Variants in HDAC9 observed in about 807,000 individuals in gnomAD.
HDAC9 encodes histone deacetylase 9, also known as MEF-2 interacting transcription repressor (MITR) protein.
A neutral mutation model predicts 139.4 loss-of-function variants in HDAC9; 41 were observed. The ratio of observed to expected loss-of-function variants is 0.29; its 90% CI spans 0.23 to 0.38. HDAC9 has a LOEUF of 0.38. Ranked by LOEUF, HDAC9 falls within the 10% of genes least tolerant of loss-of-function variation. The pLI is 1.00. For missense variants in HDAC9, 1,147 were observed against 1,297.0 expected (o/e 0.88, Z 1.78); for synonymous variants, 517 against 476.2 (o/e 1.09, Z -1.12).
chr7:18,875,416 A>G (rs1799246683), intron 22 of HDAC9, among the ~76,000 whole-genome samples: 1 of 152,144 alleles, frequency 6.6e-6, no homozygotes, highest in Non-Finnish European at 1.5e-5. Flanking sequence ...CAAAAAACCC[A>G]AATACTTTTA....
At chr7:18,141,279 C>A (rs545927369) in intron 1 of HDAC9, among the ~76,000 whole-genome samples, 141 of 152,170 alleles carry the variant, frequency 9.3e-4, no homozygotes, top group African/African-American at 3.2e-3. Context: ...AACATTTTTT[C>A]CCTTTATCTG....
chr7:18,338,346 A>G (rs529070856), intron 1 of HDAC9, among the ~76,000 whole-genome samples: 3 of 151,822 alleles, frequency 2.0e-5, no homozygotes, highest in East Asian at 1.9e-4. Flanking sequence ...CAATACGGAT[A>G]TAATCTCTAT....
At chr7:18,896,576 C>T (rs1801218372) in intron 22 of HDAC9, among the ~76,000 whole-genome samples, 3 of 152,198 alleles carry the variant, frequency 2.0e-5, no homozygotes, top group Middle Eastern at 3.4e-3. Flanking sequence ...ACTGCCCAGA[C>T]CCCATTAAGT....
intron 2 of HDAC9, among the ~76,000 whole-genome samples, chr7:18,570,147 T>C (rs1320869479): frequency 1.3e-5 from 2 of 152,096 alleles, no homozygotes; most frequent in African/African-American, 4.8e-5. Context: ...GATTCACAGA[T>C]TGGAGAGTAC....
chr7:18,335,463 T>C (rs1259314776), intron 1 of HDAC9, among the ~76,000 whole-genome samples: 1 of 151,530 alleles, frequency 6.6e-6, no homozygotes, highest in Non-Finnish European at 1.5e-5. Flanking sequence ...GGTCTTGATG[T>C]ACATGGATTT....
chr7:18,523,718 G>T (rs752476308), intron 2 of HDAC9, among the ~76,000 whole-genome samples: 1 of 152,080 alleles, frequency 6.6e-6, no homozygotes, highest in Non-Finnish European at 1.5e-5. Context: ...CAAAAGGTAG[G>T]GCAGAGAAAG....
At chr7:18,409,172 G>A (rs1788310031) in intron 1 of HDAC9, among the ~76,000 whole-genome samples, 1 of 152,130 alleles carries the variant, frequency 6.6e-6, no homozygotes, top group South Asian at 2.1e-4. Flanking sequence ...TTATGGTACA[G>A]GACTGGAACT....
chr7:18,899,101 T>C (rs1336609719), intron 22 of HDAC9, among the ~76,000 whole-genome samples: 2 of 152,026 alleles, frequency 1.3e-5, no homozygotes, highest in Non-Finnish European at 2.9e-5. Context: ...CTGTTATTAA[T>C]GAAAAAACAT....
chr7:18,193,395 A>C (rs1188987346), intron 2 of HDAC9, among the ~76,000 whole-genome samples: 1 of 152,208 alleles, frequency 6.6e-6, no homozygotes, highest in Non-Finnish European at 1.5e-5. Flanking sequence ...CTAGCCACTT[A>C]CTTCCTTCTT....
At chr7:18,479,873 GC>G (rs1487127944) in intron 1 of HDAC9, among the ~76,000 whole-genome samples, 2 of 151,724 alleles carry the variant, frequency 1.3e-5, no homozygotes, top group Non-Finnish European at 2.9e-5. Flanking sequence ...GTGAGAGTAG[GC>G]CTGTGTGTGC....
At chr7:18,460,231 A>G (rs1009489749) in intron 1 of HDAC9, among the ~76,000 whole-genome samples, 1 of 152,092 alleles carries the variant, frequency 6.6e-6, no homozygotes, top group Non-Finnish European at 1.5e-5. Flanking sequence ...TAGAAGGTAT[A>G]ATTCCAGCCC....
At chr7:18,733,284 ATATATGTG>A in intron 13 of HDAC9, among the ~76,000 whole-genome samples, 1 of 147,954 alleles carries the variant, frequency 6.8e-6, no homozygotes. Context: ...ATATATGTGT[ATATATGTG>A]TATATATGTG....
intron 2 of HDAC9, among the ~76,000 whole-genome samples, chr7:18,252,247 G>A (rs1023287014): frequency 2.0e-5 from 3 of 152,156 alleles, no homozygotes; most frequent in African/African-American, 7.2e-5. Context: ...CCTGAAGTGG[G>A]GCAGGAGTCA....
chr7:18,542,412 A>G (rs1349796937), intron 2 of HDAC9, among the ~76,000 whole-genome samples: 1 of 152,218 alleles, frequency 6.6e-6, no homozygotes, highest in East Asian at 1.9e-4. Flanking sequence ...TAATATGTAT[A>G]AAACATTTAA....
chr7:18,276,677 A>G (rs1221848620), intron 2 of HDAC9, among the ~76,000 whole-genome samples: 3 of 152,162 alleles, frequency 2.0e-5, no homozygotes, highest in East Asian at 1.9e-4. Flanking sequence ...TTTTACTTCC[A>G]TAGACAGTGA....
intron 16 of HDAC9, 103 bp downstream of exon 16, chr7:18,767,258 T>A: frequency 5.2e-6 from 3 of 579,480 alleles, no homozygotes; most frequent in Non-Finnish European, 8.6e-6. Flanking sequence ...CAGTAAAAGT[T>A]ATGCTAGACT....
rs555121406 is a variant in HDAC9, at chr7:18,569,927, A to G, written c.23-15354A>G. ...TTCAAATCTTTTCTCATGCTGTCAAAAAACAGCTGCCTCTTACTTTTTGTT... is the reference window on the plus strand; with the variant it reads ...TTCAAATCTTTTCTCATGCTGTCAAGAAACAGCTGCCTCTTACTTTTTGTT... On this transcript the variant is annotated intron_variant, in intron 2 of 25. Coordinates refer to ENST00000686413, the MANE Select transcript of HDAC9 (RefSeq NM_178425.4). Among the ~76,000 whole-genome samples, 237 of 152,332 alleles carry G rather than the reference A, an allele frequency of 1.6e-3. 1 individual carries two copies. Among genetic ancestry groups the G allele is most frequent in the African/African-American group, 5.5e-3 (228 of 41,576 alleles).
chr7:18,934,097 A>G (rs1413457110), intron 22 of HDAC9, among the ~76,000 whole-genome samples: 1 of 152,196 alleles, frequency 6.6e-6, no homozygotes, highest in African/African-American at 2.4e-5. Flanking sequence ...ATTTTATTTC[A>G]GCAAATTTAA....
chr7:18,636,089 T>C (rs1426337772), intron 8 of HDAC9, among the ~76,000 whole-genome samples: 1 of 152,120 alleles, frequency 6.6e-6, no homozygotes, highest in Non-Finnish European at 1.5e-5. Context: ...TCAGTTTTGC[T>C]CTAGGCACAT....
Sources: allele counts gnomAD v4.1 joint callset (sites outside exome capture counted in the v4.1 genomes callset), GRCh38; gene constraint gnomAD v4.1.1; transcripts MANE v1.5; gene names NCBI Gene and HGNC (gene_info 2026-07-23, HGNC 2026-07-21).